The following VILL variants were observed in gnomAD, a reference collection of about 807,000 sequenced individuals.
VILL encodes the protein villin like.
VILL carries 102 observed loss-of-function variants against 106.3 expected under a neutral mutation model. The observed-to-expected ratio is 0.96, with a 90% CI of 0.82 to 1.13. The LOEUF is 1.13. Among genes scored for constraint, VILL ranks in the 50% most tolerant of loss-of-function variants. The probability of loss-of-function intolerance (pLI) is 0.00; values close to 1 mark genes in which losing one functional copy is unlikely to be tolerated. For missense variants in VILL, 1,076 were observed against 1,116.6 expected (o/e 0.96, Z 0.52); for synonymous variants, 431 against 440.3 (o/e 0.98, Z 0.27).
In VILL at chr3:38,006,955, A is replaced by ACTC. The variant is rs1227425656; in HGVS notation, c.2472_2474dup (p.Ser825dup). The ACTC allele has an allele frequency of 6.2e-7, 1 of 1,613,778 alleles. No individual in the cohort carries two copies. The highest frequency in any genetic ancestry group is 8.5e-7 in the Non-Finnish European group (1 of 1,179,884). ...TCCCCTGCCCAGTTCTATCTCTCAGACTCTGACTTCCAAGATATCTTTGGG... is the reference window on the plus strand; with the variant it reads ...TCCCCTGCCCAGTTCTATCTCTCAGACTCCTCTGACTTCCAAGATATCTTTGGG... On this transcript the variant is annotated inframe_insertion, in exon 20 of 20. Coordinates refer to ENST00000383759, the MANE Select transcript of VILL (RefSeq NM_015873.4).
rs1017986443 is a variant in VILL at position 37,998,622 on chromosome 3, G to A, written c.942+258G>A. 6.6e-5 allele frequency among the ~76,000 whole-genome samples: 10 copies of A among 152,134 alleles called. No individual in the cohort carries two copies. The highest frequency in any genetic ancestry group is 2.2e-4 in the African/African-American group (9 of 41,432). ...AGGTCTGGGGCCCTACTGACTGGGCGGTCCCGCTTTCTGAGGGTGGGGCTG... is the reference window on the plus strand; with the variant it reads ...AGGTCTGGGGCCCTACTGACTGGGCAGTCCCGCTTTCTGAGGGTGGGGCTG... On this transcript the variant is annotated intron_variant, in intron 9 of 19. Transcript: ENST00000383759. The surrounding 1 kb of genome is among the most constrained non-coding windows in gnomAD (Gnocchi z 4.1).
intron 3 of VILL, 119 bp downstream of exon 3, chr3:37,994,091 C>A: frequency 6.9e-7 from 1 of 1,451,602 alleles, no homozygotes; most frequent in Non-Finnish European, 9.6e-7. Context: ...AGAATCACAT[C>A]CCACAAGGGG....
At chr3:37,993,526 G>C (rs1699640944) in intron 1 of VILL, 61 bp from the exon 2 acceptor site, 1 of 683,900 alleles carries the variant, frequency 1.5e-6, no homozygotes, top group South Asian at 1.9e-5. Flanking sequence ...TTCATAGTCT[G>C]TGTGCTGACA....
Position 37,993,599 on chromosome 3 carries a change from C to A in VILL, c.-74C>A, listed in dbSNP as rs1699641884. On this transcript the variant is annotated 5_prime_UTR_variant, in exon 2 of 20. Coordinates refer to ENST00000383759, the MANE Select transcript of VILL (RefSeq NM_015873.4). ...TTCTATAATGAAGTTGTACAGGTAGCCAGGTGTCGGTCTCCAGCCTGAGAA... is the reference window on the plus strand; with the variant it reads ...TTCTATAATGAAGTTGTACAGGTAGACAGGTGTCGGTCTCCAGCCTGAGAA... 2.8e-6 allele frequency: 4 copies of A among 1,428,848 alleles called. No individual in the cohort carries two copies. The highest frequency in any genetic ancestry group is 3.9e-6 in the Non-Finnish European group (4 of 1,021,340). The allele number at this position is 1,428,848 out of a possible 1,614,324, so 88.5% of individuals were successfully genotyped here. A position where few individuals can be genotyped will look rare whatever the true frequency, so the allele number is the denominator to read the frequency against.
intron 11 of VILL, among the ~76,000 whole-genome samples, chr3:38,000,596 G>A (rs1326312538): frequency 6.6e-6 from 1 of 152,094 alleles, no homozygotes; most frequent in African/African-American, 2.4e-5. Context: ...GGACTCAGGT[G>A]CCAAGCACAA....
chr3:37,993,709 G>T lies in VILL; in HGVS notation c.37G>T (p.Gly13Cys). Residue 13 changes from glycine (G) to cysteine (C), a missense_variant, in exon 2 of 20, where the codon GGC (glycine) becomes TGC (cysteine). Gly to Cys is a radical substitution (Grantham distance 159). Coordinates refer to ENST00000383759, the MANE Select transcript of VILL (RefSeq NM_015873.4). ...ISKGLPGMQG[G>C]LHIWISENRK... ...CAAGGGCCTCCCAGGCATGCAGGGA[G>T]GCCTCCACATATGGATCTCTGAGGT... 4.3e-6 allele frequency: 7 copies of T among 1,614,112 alleles called. No homozygotes were observed. Among genetic ancestry groups the T allele is most frequent in the Non-Finnish European group, 5.9e-6 (7 of 1,180,004 alleles).
At position 38,006,601 on chromosome 3, in the gene VILL, C is replaced by G; in HGVS notation, c.2358C>G (p.Ser786Arg). 1.2e-6 allele frequency: 2 copies of G among 1,614,104 alleles called. No homozygotes were observed. Among genetic ancestry groups the G allele is most frequent in the Non-Finnish European group, 1.7e-6 (2 of 1,180,026 alleles). Reference protein sequence around the residue: ...SAGSRTSSSVSSTSATINGGL... With the variant: ...SAGSRTSSSVRSTSATINGGL... ...GCAGCAGAACCAGCAGCTCCGTCAG[C>G]AGCACCAGCGCCACGATCAACGGGG... Residue 786 changes from serine (S) to arginine (R), a missense_variant, in exon 19 of 20, where the codon AGC becomes AGG. By Grantham distance (110) the Ser-to-Arg change is moderately radical. Coordinates refer to ENST00000383759, the MANE Select transcript of VILL (RefSeq NM_015873.4).
chr3:37,998,783 A>C lies in VILL; in HGVS notation c.943-129A>C, dbSNP rs1699754412. On this transcript the variant is annotated intron_variant, in intron 9 of 19. Transcript: ENST00000383759. The surrounding 1 kb of genome is among the most constrained non-coding windows in gnomAD (Gnocchi z 4.1). ...TCGGTGGTGACAGAGTCAATTCGCT[A>C]AGTGGGTCATGAGCTCGGTTAATTA... 1 of 1,419,498 alleles carries C rather than the reference A, an allele frequency of 7.0e-7. No individual in the cohort carries two copies. Among genetic ancestry groups the C allele is most frequent in the African/African-American group, 1.4e-5 (1 of 69,176 alleles). The allele number at this position is 1,419,498 out of a possible 1,614,324, so 87.9% of individuals were successfully genotyped here.
Position 38,006,585 on chromosome 3 carries a change from C to T in VILL, c.2342C>T (p.Thr781Ile), listed in dbSNP as rs749331819. The part of the protein sequence containing the change: ...VRSPKSAGSR[T>I]SSSVSSTSAT... The stretch of plus-strand genomic sequence containing the variant: ...AGCCCCAAGTCGGCTGGCAGCAGAA[C>T]CAGCAGCTCCGTCAGCAGCACCAGC... The change falls in exon 19 of 20, where the codon ACC becomes ATC. Residue 781 changes from threonine (T) to isoleucine (I), a missense_variant. Physicochemically the swap from Thr to Ile is moderately conservative, Grantham distance 89. Coordinates refer to ENST00000383759, the MANE Select transcript of VILL (RefSeq NM_015873.4). 3.7e-6 allele frequency: 6 copies of T among 1,614,166 alleles called. No homozygotes were observed. Among genetic ancestry groups the T allele is most frequent in the Non-Finnish European group, 5.1e-6 (6 of 1,180,044 alleles).
At chr3:38,000,852 G>A (rs529584346) in intron 11 of VILL, 45 of 456,664 alleles carry the variant, frequency 9.9e-5, no homozygotes, top group Non-Finnish European at 1.9e-4. Context: ...TGAGGTAAGG[G>A]AGGCGTCATC....
chr3:37,999,232 C>G lies in VILL; in HGVS notation c.1082-107C>G, dbSNP rs942351407. On this transcript the variant is annotated intron_variant, in intron 10 of 19. Coordinates refer to ENST00000383759, the MANE Select transcript of VILL (RefSeq NM_015873.4). ...GGAAAGGGGCGTGGGCTGCGGAGGA[C>G]GCGGCGGGACCTGGAATCTTGGAGG... 9.0e-6 allele frequency: 10 copies of G among 1,117,194 alleles called. No homozygotes were observed. In the Admixed American group the frequency reaches 2.0e-4, roughly 23 times the overall value. 69.2% of individuals were successfully genotyped at this position (1,117,194 alleles called of 1,614,324 possible). A position where few individuals can be genotyped will look rare whatever the true frequency, so the allele number is the denominator to read the frequency against.
Position 37,999,424 on chromosome 3 carries a change from C to G in VILL, c.1167C>G (p.Gly389=), listed in dbSNP as rs1699773994. The G allele has an allele frequency of 6.7e-7, 1 of 1,483,142 alleles. No homozygotes were observed. Among genetic ancestry groups the G allele is most frequent in the Admixed American group, 2.6e-5 (1 of 38,310 alleles). 91.9% of individuals were successfully genotyped at this position (1,483,142 alleles called of 1,614,324 possible). A position where few individuals can be genotyped will look rare whatever the true frequency, so the allele number is the denominator to read the frequency against. ...CCCAGCTCAGGATGGTGGACGACGG[C>G]TCTGGGAAGGTGGAGGTGAGGGGTA... ...LAAQLRMVDD[G]SGKVEVWCIQ... is the part of the protein sequence containing the mutation. Residue 389 remains glycine (G), a synonymous_variant, in exon 11 of 20, where the codon GGC becomes GGG. Coordinates refer to ENST00000383759, the MANE Select transcript of VILL (RefSeq NM_015873.4).
At chr3:37,995,965 C>T (rs1575334608) in intron 5 of VILL, 118 bp downstream of exon 5, 1 of 758,498 alleles carries the variant, frequency 1.3e-6, no homozygotes, top group Non-Finnish European at 2.2e-6. Context: ...TCAGCATTCC[C>T]AGATGGTCTT....
chr3:37,998,978 T>C lies in VILL; in HGVS notation c.1009T>C (p.Ser337Pro). The C allele has an allele frequency of 6.2e-7, 1 of 1,608,856 alleles. No individual in the cohort carries two copies. The highest frequency in any genetic ancestry group is 8.5e-7 in the Non-Finnish European group (1 of 1,177,846). The change falls in exon 10 of 20, where the codon TCG (serine) becomes CCG (proline). Residue 337 changes from serine to proline, a missense_variant. Coordinates refer to ENST00000383759, the MANE Select transcript of VILL (RefSeq NM_015873.4). The surrounding 1 kb of genome is among the most constrained non-coding windows in gnomAD (Gnocchi z 4.1). ...NVEVVNDGAE[S>P]AAFKQLFRTW... ...GGAGGTGGTGAACGACGGCGCCGAGTCGGCCGCGTTCAAGCAGCTCTTCCG... is the reference window on the plus strand; with the variant it reads ...GGAGGTGGTGAACGACGGCGCCGAGCCGGCCGCGTTCAAGCAGCTCTTCCG...
At chr3:38,000,564 G>A (rs1353475256) in intron 11 of VILL, among the ~76,000 whole-genome samples, 4 of 152,266 alleles carry the variant, frequency 2.6e-5, no homozygotes, top group Non-Finnish European at 4.4e-5. Flanking sequence ...AAAGGCGAGG[G>A]ACGGAGGGAA....
rs147533274 is a variant in VILL at position 37,999,980 on chromosome 3, G to T, written c.1182+541G>T. Among the ~76,000 whole-genome samples, 341 of 152,366 alleles carry T rather than the reference G, an allele frequency of 2.2e-3. 1 individual carries two copies. The highest frequency in any genetic ancestry group is 7.9e-3 in the African/African-American group (328 of 41,592). ...GTCTCAGCCCAGTGTCCTGCGAGACGCAGGGGTTGAGGGCTACTTCCAGGC... is the reference window on the plus strand; with the variant it reads ...GTCTCAGCCCAGTGTCCTGCGAGACTCAGGGGTTGAGGGCTACTTCCAGGC... On this transcript the variant is annotated intron_variant, in intron 11 of 19. Transcript: ENST00000383759.
intron 16 of VILL, 104 bp from the exon 17 acceptor site, chr3:38,005,688 A>C: frequency 7.8e-7 from 1 of 1,281,816 alleles, no homozygotes; most frequent in East Asian, 2.4e-5. Flanking sequence ...AGGGATGTGT[A>C]TGTGGGGTTC....
intron 1 of VILL, chr3:37,991,110 C>G (rs1438715666): frequency 2.0e-5 from 3 of 152,290 alleles, no homozygotes; most frequent in Non-Finnish European, 4.4e-5. Flanking sequence ...ACCCTGGCCC[C>G]ATCCTCCTTT....
intron 4 of VILL, among the ~76,000 whole-genome samples, chr3:37,995,335 AAC>A (rs1036776423): frequency 6.6e-6 from 1 of 152,258 alleles, no homozygotes; most frequent in Non-Finnish European, 1.5e-5. Context: ...CAGATGCAGA[AAC>A]ACACACCACC....
Sources: gnomAD v4.1 joint callset for allele counts (sites outside exome capture counted in the v4.1 genomes callset) on GRCh38, gnomAD v4.1.1 for gene constraint, Gnocchi (gnomAD v3.1) non-coding constraint, MANE v1.5 for transcripts, NCBI Gene and HGNC (gene_info 2026-07-23, HGNC 2026-07-21) for gene names.